The following FHOD3 variants were observed in gnomAD, a reference collection of about 807,000 sequenced individuals.
The protein encoded by FHOD3 is formin homology 2 domain containing 3.
Under a neutral mutation model 173.0 loss-of-function variants are expected in FHOD3, and 90 were observed. That is an observed-to-expected ratio of 0.52 (90% CI 0.44 to 0.62). FHOD3 has a LOEUF of 0.62. FHOD3 is among the 20% of genes least tolerant of loss of function. The pLI is 0.00. For synonymous variants in FHOD3, 828 were observed against 823.0 expected, an observed-to-expected ratio of 1.01 and a Z score of -0.10; for missense variants, 1,945 against 2,034.7, an observed-to-expected ratio of 0.96 and a Z score of 0.85.
At chr18:36,459,547 C>G (rs1329065870) in intron 3 of FHOD3, among the ~76,000 whole-genome samples, 1 of 152,124 alleles carries the variant, frequency 6.6e-6, no homozygotes, top group Non-Finnish European at 1.5e-5. Flanking sequence ...CCCTGTCTGA[C>G]CTGCAGTGTG....
At chr18:36,560,842 G>GTT (rs1318480145) in intron 5 of FHOD3, among the ~76,000 whole-genome samples, 1,390 of 127,568 alleles carry the variant, frequency 0.011, 14 homozygotes, top group African/African-American at 0.035. Flanking sequence ...TTTTTTTTCT[G>GTT]TTTTTTTTTT....
chr18:36,528,692 C>T (rs144875072), intron 5 of FHOD3, among the ~76,000 whole-genome samples: 192 of 152,316 alleles, frequency 1.3e-3, no homozygotes, highest in African/African-American at 4.3e-3. Context: ...CAGCGCCACA[C>T]GCACAGCAAA....
At chr18:36,381,976 A>G (rs1409855686) in intron 3 of FHOD3, among the ~76,000 whole-genome samples, 2 of 152,188 alleles carry the variant, frequency 1.3e-5, no homozygotes, top group African/African-American at 2.4e-5. Context: ...GGGAGGTGTT[A>G]TGTGACCCTG....
rs77654739 is a variant in FHOD3, at chr18:36,485,383, T to C, written c.338-16549T>C. 3.6e-3 allele frequency among the ~76,000 whole-genome samples: 547 copies of C among 152,264 alleles called. 1 individual carries two copies. The highest frequency in any genetic ancestry group is 0.013 in the African/African-American group (520 of 41,560). ...CCTCAGTGTGAATTGATGAAGCCAC[T>C]CAGAAAGGGAGGGAGGGAGAGTGAG... On this transcript the variant is annotated intron_variant, in intron 3 of 28. Coordinates refer to ENST00000590592, the MANE Select transcript of FHOD3 (RefSeq NM_001281740.3).
intron 5 of FHOD3, among the ~76,000 whole-genome samples, chr18:36,538,208 T>C (rs2057071378): frequency 6.6e-6 from 1 of 152,180 alleles, no homozygotes; most frequent in African/African-American, 2.4e-5. Context: ...TGACATTTTA[T>C]AGAACTAAAT....
Position 36,512,557 on chromosome 18 carries a change from G to A in FHOD3, c.511+14G>A. On this transcript the variant is annotated intron_variant, in intron 5 of 28. Transcript: ENST00000590592. ...ACATCTTAAGGGGTAAGTCATGACT[G>A]GGCATGCAGCAGCTGCCCCAGCTGC... is the stretch of plus-strand genomic sequence containing the variant. 1 of 1,587,424 alleles carries A rather than the reference G, an allele frequency of 6.3e-7. No individual in the cohort carries two copies. Among genetic ancestry groups the A allele is most frequent in the Middle Eastern group, 1.7e-4 (1 of 6,030 alleles).
intron 4 of FHOD3, among the ~76,000 whole-genome samples, chr18:36,512,117 C>T (rs181185510): frequency 6.6e-6 from 1 of 152,332 alleles, no homozygotes; most frequent in East Asian, 1.9e-4. Context: ...TCCCTTGGGA[C>T]CGTGGGGGAG....
chr18:36,428,277 C>T (rs930885556), intron 3 of FHOD3, among the ~76,000 whole-genome samples: 9 of 152,186 alleles, frequency 5.9e-5, no homozygotes, highest in East Asian at 5.8e-4. Flanking sequence ...ATACTCTCCC[C>T]GAGTCCTCTA....
At position 36,758,417 on chromosome 18, in the gene FHOD3, T is replaced by A. The variant is rs1405629082; in HGVS notation, c.4426-701T>A. Among the ~76,000 whole-genome samples the A allele has an allele frequency of 2.6e-5, 4 of 152,186 alleles. No homozygotes were observed. In the East Asian group the frequency reaches 7.7e-4, roughly 29 times the overall value. On this transcript the variant is annotated intron_variant, in intron 25 of 28. Coordinates refer to ENST00000590592, the MANE Select transcript of FHOD3 (RefSeq NM_001281740.3). ...TTTATTTAAAGTAACTTAAAGCAGT[T>A]TAGTGCTAAAGTAATTAAAAGTATG...
intron 6 of FHOD3, among the ~76,000 whole-genome samples, chr18:36,576,965 C>T (rs941039110): frequency 6.6e-5 from 10 of 152,070 alleles, no homozygotes; most frequent in Admixed American, 3.3e-4. Flanking sequence ...TGGTGGCACG[C>T]GCCTGTAGTC....
intron 5 of FHOD3, among the ~76,000 whole-genome samples, chr18:36,543,598 A>G (rs1297648492): frequency 1.3e-5 from 2 of 151,980 alleles, no homozygotes; most frequent in East Asian, 1.9e-4. Flanking sequence ...ATGCTAAAAA[A>G]CCTTTTAAAC....
At chr18:36,769,591 T>C (rs1053288861) in intron 28 of FHOD3, among the ~76,000 whole-genome samples, 165 bp downstream of exon 28, 12 of 152,194 alleles carry the variant, frequency 7.9e-5, no homozygotes, top group African/African-American at 2.4e-4. Flanking sequence ...GCTGTTGACG[T>C]TGGCCATTGT....
chr18:36,486,316 A>G (rs2054189427), intron 3 of FHOD3, among the ~76,000 whole-genome samples: 1 of 152,182 alleles, frequency 6.6e-6, no homozygotes, highest in Non-Finnish European at 1.5e-5. Flanking sequence ...ATCTCAATGC[A>G]TTCATGGTCA....
At chr18:36,690,622 G>A (rs1490697512) in intron 16 of FHOD3, among the ~76,000 whole-genome samples, 16 of 152,038 alleles carry the variant, frequency 1.1e-4, no homozygotes, top group African/African-American at 4.8e-5. Context: ...GGCCGTCTCC[G>A]CGTACCAGCC....
intron 3 of FHOD3, among the ~76,000 whole-genome samples, chr18:36,427,390 C>A (rs2050308649): frequency 6.6e-6 from 1 of 151,744 alleles, no homozygotes; most frequent in African/African-American, 2.4e-5. Flanking sequence ...CATCACCTCT[C>A]AGGCCACTCC....
At chr18:36,378,049 G>A (rs2047535937) in intron 3 of FHOD3, among the ~76,000 whole-genome samples, 1 of 152,168 alleles carries the variant, frequency 6.6e-6, no homozygotes, top group African/African-American at 2.4e-5. Flanking sequence ...GGTGGCATCA[G>A]GTGCATTGAG....
At chr18:36,390,241 G>A (rs1029973934) in intron 3 of FHOD3, among the ~76,000 whole-genome samples, 1 of 152,198 alleles carries the variant, frequency 6.6e-6, no homozygotes, top group African/African-American at 2.4e-5. Flanking sequence ...CCACTGGGCA[G>A]GTGACAGGCA....
intron 27 of FHOD3, among the ~76,000 whole-genome samples, chr18:36,765,209 A>G (rs2043089658): frequency 6.6e-6 from 1 of 152,184 alleles, no homozygotes; most frequent in Non-Finnish European, 1.5e-5. Context: ...AACTGAGGAG[A>G]CAAAGATAGG....
At chr18:36,387,900 A>G (rs1377944998) in intron 3 of FHOD3, among the ~76,000 whole-genome samples, 1 of 152,004 alleles carries the variant, frequency 6.6e-6, no homozygotes, top group Non-Finnish European at 1.5e-5. Context: ...GAAGGGGTAG[A>G]GGCTGTTCCT....
Sources: gnomAD v4.1 joint callset for allele counts (sites outside exome capture counted in the v4.1 genomes callset) on GRCh38, gnomAD v4.1.1 for gene constraint, MANE v1.5 for transcripts, NCBI Gene and HGNC (gene_info 2026-07-23, HGNC 2026-07-21) for gene names.